The following SLC5A1 variants were observed in gnomAD, a reference collection of about 807,000 sequenced individuals.
The protein encoded by SLC5A1 is solute carrier family 5 member 1, also known as sodium/glucose cotransporter 1.
SLC5A1 carries 42 observed loss-of-function variants against 73.5 expected under a neutral mutation model. That is an observed-to-expected ratio of 0.57 (90% CI 0.45 to 0.74). SLC5A1 has a LOEUF of 0.74. SLC5A1 is among the 30% of genes least tolerant of loss of function. The probability of loss-of-function intolerance (pLI) is 0.00; values close to 1 mark genes in which losing one functional copy is unlikely to be tolerated. For synonymous variants in SLC5A1, 300 were observed against 317.4 expected (o/e 0.95, Z 0.58); for missense variants, 634 against 855.4 (o/e 0.74, Z 3.23).
intron 1 of SLC5A1, among the ~76,000 whole-genome samples, chr22:32,046,672 CA>C (rs2093937616): frequency 6.6e-6 from 1 of 152,206 alleles, no homozygotes; most frequent in Non-Finnish European, 1.5e-5. Flanking sequence ...CCTCCAGGCC[CA>C]ACATCCTCAG....
intron 1 of SLC5A1, among the ~76,000 whole-genome samples, chr22:32,045,081 T>C (rs1419209213): frequency 1.3e-5 from 2 of 152,242 alleles, no homozygotes; most frequent in Non-Finnish European, 2.9e-5. Context: ...CTCAGATCTC[T>C]TGACTCCTGA....
chr22:32,107,263 G>A (rs1603147256), intron 14 of SLC5A1, among the ~76,000 whole-genome samples: 1 of 152,176 alleles, frequency 6.6e-6, no homozygotes, highest in East Asian at 1.9e-4. Context: ...AAAGGGACAT[G>A]GATTAGGAGT....
chr22:32,073,430 T>C (rs1422068022), intron 5 of SLC5A1, among the ~76,000 whole-genome samples: 3 of 152,226 alleles, frequency 2.0e-5, no homozygotes, highest in African/African-American at 7.2e-5. Flanking sequence ...TGCTGCCTCC[T>C]TGTGTAGCTT....
chr22:32,068,091 G>A (rs2093977043), intron 4 of SLC5A1, 65 bp downstream of exon 4: 6 of 1,458,228 alleles, frequency 4.1e-6, no homozygotes, highest in Non-Finnish European at 9.6e-7. Flanking sequence ...GGTCTTCCTA[G>A]AGGGCAGAGG....
intron 14 of SLC5A1, among the ~76,000 whole-genome samples, chr22:32,108,237 G>C (rs1479950014): frequency 6.6e-6 from 1 of 151,872 alleles, no homozygotes; most frequent in Non-Finnish European, 1.5e-5. Flanking sequence ...CTCCCGAGTA[G>C]CTGGGACTAC....
At chr22:32,060,002 G>A (rs2093957980) in intron 2 of SLC5A1, among the ~76,000 whole-genome samples, 1 of 144,554 alleles carries the variant, frequency 6.9e-6, no homozygotes, top group African/African-American at 2.6e-5. Context: ...GGCAGCACAG[G>A]GGCCATGGTT....
At chr22:32,064,048 C>T (rs1226575961) in intron 2 of SLC5A1, among the ~76,000 whole-genome samples, 1 of 152,150 alleles carries the variant, frequency 6.6e-6, no homozygotes, top group Non-Finnish European at 1.5e-5. Context: ...ACTTTTTGAA[C>T]TTATGACTCA....
At chr22:32,083,615 C>T (rs534287714) in intron 7 of SLC5A1, among the ~76,000 whole-genome samples, 2 of 151,456 alleles carry the variant, frequency 1.3e-5, no homozygotes, top group African/African-American at 4.9e-5. Context: ...TTTTAATGCC[C>T]CTATTTGGCA....
intron 7 of SLC5A1, 137 bp downstream of exon 7, chr22:32,083,291 G>A (rs923813651): frequency 4.2e-6 from 3 of 719,350 alleles, no homozygotes; most frequent in African/African-American, 1.7e-5. Context: ...TCCAAACGGA[G>A]GGTCCAGCCC....
chr22:32,095,036 T>C (rs1456039643), intron 11 of SLC5A1, among the ~76,000 whole-genome samples: 2 of 152,168 alleles, frequency 1.3e-5, no homozygotes, highest in Non-Finnish European at 2.9e-5. Flanking sequence ...TTTGATAGGT[T>C]GTGTCACTAT....
intron 5 of SLC5A1, among the ~76,000 whole-genome samples, chr22:32,077,492 A>G (rs1270875677): frequency 6.6e-6 from 1 of 151,984 alleles, no homozygotes; most frequent in African/African-American, 2.4e-5. Flanking sequence ...AAGCTGTGAA[A>G]CAAATGGTCT....
chr22:32,057,254 T>C (rs548440843), intron 2 of SLC5A1, among the ~76,000 whole-genome samples: 21 of 152,320 alleles, frequency 1.4e-4, no homozygotes, highest in African/African-American at 4.1e-4. Context: ...CAGTTGTCCA[T>C]TGCCCTAGGC....
intron 11 of SLC5A1, among the ~76,000 whole-genome samples, chr22:32,093,821 G>A (rs2094022126): frequency 6.6e-6 from 1 of 152,064 alleles, no homozygotes. Context: ...TACTGATTTG[G>A]ATGCCATTCA....
chr22:32,093,932 G>C (rs2094022285), intron 11 of SLC5A1, among the ~76,000 whole-genome samples: 1 of 152,038 alleles, frequency 6.6e-6, no homozygotes, highest in African/African-American at 2.4e-5. Flanking sequence ...ATTCTCAGAG[G>C]GAATGCTTTC....
Position 32,086,244 on chromosome 22 carries a change from C to G in SLC5A1, c.1046C>G (p.Ser349Ter), listed in dbSNP as rs202242940. 1 of 1,613,696 alleles carries G rather than the reference C, an allele frequency of 6.2e-7. No homozygotes were observed. Among genetic ancestry groups the G allele is most frequent in the Non-Finnish European group, 8.5e-7 (1 of 1,179,756 alleles). ...YTEKIACVVP[S>*]ECEKYCGTKV... ...GAAAAAATTGCCTGTGTCGTCCCTT[C>G]AGAATGTGAGAAATATTGCGGTACC... The change falls in exon 10 of 15, where the codon TCA becomes TGA. Residue 349 changes from serine to a stop codon, truncating the protein, a stop_gained. Transcript: ENST00000266088. LOFTEE classifies it high-confidence loss of function.
Position 32,049,366 on chromosome 22 carries a change from A to G in SLC5A1, c.136-577A>G, listed in dbSNP as rs142755669. 2.7e-3 allele frequency among the ~76,000 whole-genome samples: 407 copies of G among 148,190 alleles called. 2 individuals are homozygous for G. The highest frequency in any genetic ancestry group is 9.9e-3 in the African/African-American group (402 of 40,706). On this transcript the variant is annotated intron_variant, in intron 1 of 14. Coordinates refer to ENST00000266088, the MANE Select transcript of SLC5A1 (RefSeq NM_000343.4). ...TTTTCACTTTTCTGGTAACAAAGAT[A>G]TAACTCACATCCCATATGGTACTTT... is the stretch of plus-strand genomic sequence containing the variant.
rs923000603 is a variant in SLC5A1 at position 32,101,889 on chromosome 22, G to A, written c.1450-133G>A. On this transcript the variant is annotated intron_variant, in intron 12 of 14. Transcript: ENST00000266088. ...CATATTCTGAACTTCAGTGTTCTGG[G>A]TTCAGACAGCCTGGAGCTACCACTT... The A allele has an allele frequency of 2.9e-5, 21 of 732,800 alleles. No individual in the cohort carries two copies. In the Admixed American group the frequency reaches 4.2e-4, roughly 15 times the overall value. The allele number at this position is 732,800 out of a possible 1,614,324, so 45.4% of individuals were successfully genotyped here.
At position 32,099,184 on chromosome 22, in the gene SLC5A1, T is replaced by C; in HGVS notation, c.1282T>C (p.Leu428=). The change falls in exon 12 of 15, where the codon TTG becomes CTG. Residue 428 remains leucine, a splice_region_variant and synonymous_variant. Coordinates refer to ENST00000266088, the MANE Select transcript of SLC5A1 (RefSeq NM_000343.4). ...TTGTTGTGGGGGCTTTAATTTCAGG[T>C]TGTTTATCCTGGTGCTGATTGGCAT... is the stretch of plus-strand genomic sequence containing the variant. The part of the protein sequence containing the change: ...SEKELMIAGR[L]FILVLIGISI... 6.2e-7 allele frequency: 1 copy of C among 1,600,932 alleles called. No individual in the cohort carries two copies. Among genetic ancestry groups the C allele is most frequent in the Non-Finnish European group, 8.5e-7 (1 of 1,173,198 alleles).
At chr22:32,067,432 T>G (rs1445526149) in intron 3 of SLC5A1, among the ~76,000 whole-genome samples, 1 of 151,820 alleles carries the variant, frequency 6.6e-6, no homozygotes, top group Non-Finnish European at 1.5e-5. Flanking sequence ...AGTGCAGTGG[T>G]GCAATCATAG....
Sources: gnomAD v4.1 joint callset for allele counts (sites outside exome capture counted in the v4.1 genomes callset) on GRCh38, gnomAD v4.1.1 for gene constraint, MANE v1.5 for transcripts, NCBI Gene and HGNC (gene_info 2026-07-23, HGNC 2026-07-21) for gene names.